The following CDC14B variants were observed in gnomAD, a reference collection of about 807,000 sequenced individuals.
CDC14B encodes cell division cycle 14B, also known as dual specificity protein phosphatase CDC14B.
In CDC14B, 22 loss-of-function variants were observed where a neutral mutation model predicts 64.2. That is an observed-to-expected ratio of 0.34 (90% CI 0.24 to 0.49). The LOEUF is 0.49. Ranked by LOEUF, CDC14B falls within the 20% of genes least tolerant of loss-of-function variation. The probability of loss-of-function intolerance (pLI) is 0.99; values close to 1 mark genes in which losing one functional copy is unlikely to be tolerated. For synonymous variants in CDC14B, 191 were observed against 215.8 expected (o/e 0.89, Z 1.01); for missense variants, 498 against 629.9 (o/e 0.79, Z 2.24).
chr9:96,605,843 A>G (rs914091707), intron 1 of CDC14B, among the ~76,000 whole-genome samples: 3 of 152,068 alleles, frequency 2.0e-5, no homozygotes, highest in Non-Finnish European at 2.9e-5. Flanking sequence ...CCTGTGCAAC[A>G]AGAGCGAAAT....
At chr9:96,561,592 C>T (rs890634644) in intron 4 of CDC14B, among the ~76,000 whole-genome samples, 2 of 152,128 alleles carry the variant, frequency 1.3e-5, no homozygotes, top group African/African-American at 4.8e-5. Flanking sequence ...CGTTCTCTTC[C>T]CTCAGCCTCC....
chr9:96,607,196 C>G (rs1343049362), intron 1 of CDC14B, among the ~76,000 whole-genome samples: 1 of 151,798 alleles, frequency 6.6e-6, no homozygotes, highest in Non-Finnish European at 1.5e-5. Flanking sequence ...AGAAAAAATT[C>G]TATTAGCACT....
At chr9:96,558,720 G>T (rs180738974) in intron 4 of CDC14B, among the ~76,000 whole-genome samples, 2 of 152,110 alleles carry the variant, frequency 1.3e-5, no homozygotes, top group Non-Finnish European at 2.9e-5. Flanking sequence ...CCTTTACTTT[G>T]AAATGACAGG....
intron 5 of CDC14B, among the ~76,000 whole-genome samples, chr9:96,546,812 C>G (rs1201909873): frequency 6.6e-6 from 1 of 151,782 alleles, no homozygotes. Flanking sequence ...CCTGTAATCC[C>G]AGCACTTTGG....
rs1835594122 is a variant in CDC14B at position 96,515,933 on chromosome 9, G to T, written c.1344-6144C>A. On this transcript the variant is annotated intron_variant, in intron 12 of 13. Transcript: ENST00000375241. The surrounding 1 kb of genome is among the most constrained non-coding windows in gnomAD (Gnocchi z 4.3). ...AACAGCAACAGGGATACAAAGGGGT[G>T]GTCAACAAGGATGGAGTTTTGCCAT... The T allele has an allele frequency of 3.1e-6, 2 of 639,932 alleles. No homozygotes were observed. The highest frequency in any genetic ancestry group is 5.0e-6 in the Non-Finnish European group (2 of 400,054). 39.6% of individuals were successfully genotyped at this position (639,932 alleles called of 1,614,324 possible). A position where few individuals can be genotyped will look rare whatever the true frequency, so the allele number is the denominator to read the frequency against.
At chr9:96,574,155 A>C (rs962210962) in intron 1 of CDC14B, among the ~76,000 whole-genome samples, 4 of 152,142 alleles carry the variant, frequency 2.6e-5, no homozygotes, top group African/African-American at 9.7e-5. Context: ...TCAAAAAAAA[A>C]AAAAGACCAA....
intron 1 of CDC14B, among the ~76,000 whole-genome samples, chr9:96,598,481 C>T (rs946837872): frequency 6.6e-6 from 1 of 152,158 alleles, no homozygotes; most frequent in Non-Finnish European, 1.5e-5. Flanking sequence ...GGATTACAGG[C>T]GCCTGCCACT....
In CDC14B at chr9:96,502,284, T is replaced by G. The variant is rs1254808438; in HGVS notation, c.*1469A>C. 1 of 152,230 alleles carries G rather than the reference T, an allele frequency of 6.6e-6. No individual in the cohort carries two copies. Among genetic ancestry groups the G allele is most frequent in the Non-Finnish European group, 1.5e-5 (1 of 68,036 alleles). 9.4% of individuals were successfully genotyped at this position (152,230 alleles called of 1,614,324 possible). A position where few individuals can be genotyped will look rare whatever the true frequency, so the allele number is the denominator to read the frequency against. ...GATGCCGGTCAATTTTATACTTTCT[T>G]CCAAGAAAGTACACCAAAATGGAGG... is the stretch of plus-strand genomic sequence containing the variant. On this transcript the variant is annotated 3_prime_UTR_variant, in exon 14 of 14. Transcript: ENST00000375241.
rs1846909640 is a variant in CDC14B, at chr9:96,606,257, C to CA, written c.160+12961dup. Reference sequence around the variant, plus strand: ...CTGAGGCAGGAGAATCACTTGAACCCAGGAGGCAGAGGCTGCAGTGAGCCA... The same window carrying CA: ...CTGAGGCAGGAGAATCACTTGAACCCAAGGAGGCAGAGGCTGCAGTGAGCCA... On this transcript the variant is annotated intron_variant, in intron 1 of 13. Coordinates refer to ENST00000375241, the MANE Select transcript of CDC14B (RefSeq NM_033331.4). Among the ~76,000 whole-genome samples, 3 of 136,338 alleles carry CA rather than the reference C, an allele frequency of 2.2e-5. No homozygotes were observed. The South Asian group carries it at 6.8e-4, about 31-fold the overall frequency. The allele number at this position is 136,338 out of a possible 152,430, so 89.4% of individuals were successfully genotyped here. A position where few individuals can be genotyped will look rare whatever the true frequency, so the allele number is the denominator to read the frequency against.
intron 1 of CDC14B, among the ~76,000 whole-genome samples, chr9:96,596,236 C>T (rs1846063620): frequency 6.6e-6 from 1 of 151,786 alleles, no homozygotes; most frequent in African/African-American, 2.4e-5. Flanking sequence ...GTGGCACGGA[C>T]CTGTAGTTCC....
At chr9:96,600,161 G>A (rs899409511) in intron 1 of CDC14B, among the ~76,000 whole-genome samples, 3 of 151,872 alleles carry the variant, frequency 2.0e-5, no homozygotes, top group Non-Finnish European at 4.4e-5. Context: ...TTGGTAGGCC[G>A]AGGTGGGAGA....
intron 1 of CDC14B, among the ~76,000 whole-genome samples, chr9:96,616,719 G>A (rs1588087976): frequency 6.8e-6 from 1 of 146,872 alleles, no homozygotes; most frequent in East Asian, 2.0e-4. Flanking sequence ...GCGAGACTCT[G>A]TCTCAAAAAA....
intron 1 of CDC14B, among the ~76,000 whole-genome samples, chr9:96,615,706 G>A (rs776358256): frequency 3.9e-5 from 6 of 152,156 alleles, no homozygotes; most frequent in Non-Finnish European, 7.4e-5. Context: ...AACATTAAAC[G>A]TGGAGATACC....
At chr9:96,586,319 T>C (rs1845454861) in intron 1 of CDC14B, among the ~76,000 whole-genome samples, 1 of 152,186 alleles carries the variant, frequency 6.6e-6, no homozygotes, top group African/African-American at 2.4e-5. Flanking sequence ...TGACAGTAAA[T>C]GACATTGCAA....
chr9:96,597,061 A>G (rs909209857), intron 1 of CDC14B, among the ~76,000 whole-genome samples: 3 of 152,190 alleles, frequency 2.0e-5, no homozygotes, highest in Admixed American at 6.5e-5. Context: ...AAACATAAAG[A>G]AAACCACACC....
intron 1 of CDC14B, among the ~76,000 whole-genome samples, chr9:96,589,762 T>C (rs1356266620): frequency 6.6e-6 from 1 of 151,834 alleles, no homozygotes; most frequent in Non-Finnish European, 1.5e-5. Context: ...ATCGAGACCA[T>C]CCTGGTTAAC....
downstream of CDC14B, among the ~76,000 whole-genome samples, chr9:96,497,529 G>A (rs545057479): frequency 6.9e-4 from 103 of 149,258 alleles, no homozygotes; most frequent in Middle Eastern, 3.5e-3. Context: ...AATACAGCAG[G>A]ACAGTGAGCG....
At chr9:96,521,326 A>ATG (rs1836683270) in intron 12 of CDC14B, among the ~76,000 whole-genome samples, 1 of 152,150 alleles carries the variant, frequency 6.6e-6, no homozygotes, top group African/African-American at 2.4e-5. Flanking sequence ...TGATCTGCCC[A>ATG]CCTTGGCCTC....
intron 1 of CDC14B, among the ~76,000 whole-genome samples, chr9:96,568,977 C>G (rs1315241529): frequency 6.6e-6 from 1 of 151,970 alleles, no homozygotes; most frequent in Non-Finnish European, 1.5e-5. Context: ...CTGTTAAGCG[C>G]TACCACTTCT....
Sources: gnomAD v4.1 joint callset for allele counts (sites outside exome capture counted in the v4.1 genomes callset) on GRCh38, gnomAD v4.1.1 for gene constraint, Gnocchi (gnomAD v3.1) non-coding constraint, MANE v1.5 for transcripts, NCBI Gene and HGNC (gene_info 2026-07-23, HGNC 2026-07-21) for gene names.